SCN7A: variants seen among roughly 807,000 people sequenced by gnomAD.
SCN7A encodes sodium channel protein type 7 subunit alpha.
A neutral mutation model predicts 155.2 loss-of-function variants in SCN7A; 138 were observed. The ratio of observed to expected loss-of-function variants is 0.89; its 90% CI spans 0.77 to 1.02. The LOEUF (loss-of-function observed/expected upper bound fraction) is 1.02, where lower values mean the gene tolerates loss of function less well. Among genes scored for constraint, SCN7A ranks in the 50% least tolerant of loss-of-function variants. The probability of loss-of-function intolerance (pLI) is 0.00; values close to 1 mark genes in which losing one functional copy is unlikely to be tolerated. For synonymous variants in SCN7A, 693 were observed against 649.0 expected (o/e 1.07, Z -1.03); for missense variants, 2,058 against 1,986.6 (o/e 1.04, Z -0.68).
chr2:166,471,670 CATTTT>C (rs10566645), intron 6 of SCN7A, among the ~76,000 whole-genome samples: 10,666 of 146,780 alleles, frequency 0.073, 691 homozygotes, highest in East Asian at 0.16. Context: ...TAAATAGAAG[CATTTT>C]AAAAAGAGAC....
chr2:166,485,652 C>T (rs1461093055), intron 2 of SCN7A, among the ~76,000 whole-genome samples: 1 of 152,042 alleles, frequency 6.6e-6, no homozygotes, highest in Non-Finnish European at 1.5e-5. Context: ...GCTGGTTCTG[C>T]CTGAAATGTT....
At position 166,465,379 on chromosome 2, in the gene SCN7A, A is replaced by C. The variant is rs1702505860; in HGVS notation, c.941+83T>G. 2.1e-5 allele frequency: 20 copies of C among 939,820 alleles called. No homozygotes were observed. The South Asian group carries it at 2.7e-4, about 13-fold the overall frequency. 58.2% of individuals were successfully genotyped at this position (939,820 alleles called of 1,614,324 possible). A position where few individuals can be genotyped will look rare whatever the true frequency, so the allele number is the denominator to read the frequency against. On this transcript the variant is annotated intron_variant, in intron 9 of 25. Coordinates refer to ENST00000643258, the MANE Select transcript of SCN7A (RefSeq NM_002976.4). ...AATGAGATAATACAATCAAATGGGA[A>C]GCAACAGTAAAAGCAATAGTCCTTC...
At chr2:166,448,518 G>T (rs1255560372) in intron 11 of SCN7A, among the ~76,000 whole-genome samples, 3 of 152,062 alleles carry the variant, frequency 2.0e-5, no homozygotes, top group African/African-American at 7.2e-5. Flanking sequence ...TTAGTTTTTT[G>T]AGGAACCTCC....
chr2:166,451,208 A>G (rs1315563088), intron 11 of SCN7A, among the ~76,000 whole-genome samples: 1 of 152,172 alleles, frequency 6.6e-6, no homozygotes, highest in Non-Finnish European at 1.5e-5. Context: ...TCAGTGCTCA[A>G]TTCTCTACTA....
intron 21 of SCN7A, chr2:166,414,737 A>G (rs1383400744): frequency 1.4e-5 from 2 of 138,184 alleles, no homozygotes; most frequent in Non-Finnish European, 3.1e-5. Flanking sequence ...ATATATATAT[A>G]GACACACACA....
chr2:166,442,198 C>G (rs761168675), intron 14 of SCN7A, among the ~76,000 whole-genome samples: 8 of 152,154 alleles, frequency 5.3e-5, no homozygotes, highest in Non-Finnish European at 1.0e-4. Context: ...AATAACATGT[C>G]AAAGACCAAA....
At chr2:166,432,288 C>A in intron 16 of SCN7A, 30 bp downstream of exon 16, 1 of 1,536,388 alleles carries the variant, frequency 6.5e-7, no homozygotes, top group Non-Finnish European at 8.8e-7. Context: ...TAAATCACCA[C>A]TAAGCAATCA....
At chr2:166,484,814 A>T (rs1011160818) in intron 2 of SCN7A, among the ~76,000 whole-genome samples, 13 of 152,078 alleles carry the variant, frequency 8.5e-5, no homozygotes, top group Admixed American at 3.3e-4. Flanking sequence ...GAAATTTAAG[A>T]CTAGAATTCT....
At chr2:166,442,657 G>A (rs1701985549) in intron 14 of SCN7A, among the ~76,000 whole-genome samples, 1 of 151,766 alleles carries the variant, frequency 6.6e-6, no homozygotes, top group Non-Finnish European at 1.5e-5. Context: ...CTGTCTTTCT[G>A]AACTCAACAG....
Position 166,416,863 on chromosome 2 carries a change from T to A in SCN7A, c.3258A>T (p.Glu1086Asp), listed in dbSNP as rs764304362. 23 of 1,613,546 alleles carry A rather than the reference T, an allele frequency of 1.4e-5. No homozygotes were observed. The Middle Eastern group carries it at 8.2e-4, about 58-fold the overall frequency. The change falls in exon 21 of 26, where the codon GAA (glutamate) becomes GAT (aspartate). Residue 1086 changes from glutamate to aspartate, a missense_variant. Glu to Asp is a conservative substitution (Grantham distance 45). Transcript: ENST00000643258. ...TTTCTCCACTTGTTGGGTCAATGCATTCATAGAATCTGCCAGCAAATAAGT... is the reference window on the plus strand; with the variant it reads ...TTTCTCCACTTGTTGGGTCAATGCAATCATAGAATCTGCCAGCAAATAAGT... ...GVDLFAGRFY[E>D]CIDPTSGERF...
chr2:166,420,279 T>C (rs1249391239), intron 20 of SCN7A, among the ~76,000 whole-genome samples: 1 of 152,074 alleles, frequency 6.6e-6, no homozygotes, highest in African/African-American at 2.4e-5. Context: ...CAATAAACTA[T>C]AGGGATAAAG....
At position 166,405,346 on chromosome 2, in the gene SCN7A, G is replaced by T; in HGVS notation, c.*234C>A. The T allele has an allele frequency of 2.2e-6, 1 of 445,676 alleles. No individual in the cohort carries two copies. The highest frequency in any genetic ancestry group is 3.9e-6 in the Non-Finnish European group (1 of 255,010). The allele number at this position is 445,676 out of a possible 1,614,324, so 27.6% of individuals were successfully genotyped here. On this transcript the variant is annotated 3_prime_UTR_variant, in exon 26 of 26. Transcript: ENST00000643258. ...ATGTAGAGAAAACAAATATGAGATT[G>T]TCAAATGGCCACTTTAACCCACTTT...
rs1394251395 is a variant in SCN7A at position 166,477,470 on chromosome 2, T to C, written c.227A>G (p.Lys76Arg). 15 of 1,496,830 alleles carry C rather than the reference T, an allele frequency of 1.0e-5. No individual in the cohort carries two copies. Among genetic ancestry groups the C allele is most frequent in the Admixed American group, 2.5e-5 (1 of 40,304 alleles). 92.7% of individuals were successfully genotyped at this position (1,496,830 alleles called of 1,614,324 possible). ...LEDVDPYYYK[K>R]KNTFIVLNKN... ...ATCTCAATTAATACTCACATTTTTT[T>C]TCTTGTAGTAATATGGGTCCACATC... is the stretch of plus-strand genomic sequence containing the variant. The change falls in exon 3 of 26, where the codon AAA (lysine) becomes AGA (arginine). Residue 76 changes from lysine to arginine, a missense_variant. By Grantham distance (26) the Lys-to-Arg change is conservative. Coordinates refer to ENST00000643258, the MANE Select transcript of SCN7A (RefSeq NM_002976.4).
intron 3 of SCN7A, among the ~76,000 whole-genome samples, chr2:166,475,750 T>G (rs1399177333): frequency 6.6e-6 from 1 of 152,000 alleles, no homozygotes; most frequent in Non-Finnish European, 1.5e-5. Context: ...ACTGTTTTGT[T>G]AATTATAAAA....
chr2:166,404,971 G>T lies in SCN7A; in HGVS notation c.*609C>A, dbSNP rs954823683. The T allele has an allele frequency of 6.6e-6, 1 of 151,822 alleles. No homozygotes were observed. Among genetic ancestry groups the T allele is most frequent in the Non-Finnish European group, 1.5e-5 (1 of 67,912 alleles). 9.4% of individuals were successfully genotyped at this position (151,822 alleles called of 1,614,324 possible). A position where few individuals can be genotyped will look rare whatever the true frequency, so the allele number is the denominator to read the frequency against. On this transcript the variant is annotated 3_prime_UTR_variant, in exon 26 of 26. Coordinates refer to ENST00000643258, the MANE Select transcript of SCN7A (RefSeq NM_002976.4). ...CACAATGAAATCCTATTCATTCCCA[G>T]TTCCAAATGAAAACAAGAACATACA... is the stretch of plus-strand genomic sequence containing the variant.
chr2:166,480,246 TGGA>T (rs1303985840), intron 2 of SCN7A, among the ~76,000 whole-genome samples: 1 of 151,990 alleles, frequency 6.6e-6, no homozygotes, highest in Non-Finnish European at 1.5e-5. Context: ...TCACGAGGTC[TGGA>T]GATCTAGACC....
intron 11 of SCN7A, 72 bp from the exon 12 acceptor site, chr2:166,447,780 G>A: frequency 9.6e-7 from 1 of 1,042,518 alleles, no homozygotes; most frequent in East Asian, 2.4e-5. Flanking sequence ...AAGGTGCACA[G>A]CCTTGCTAAA....
intron 20 of SCN7A, among the ~76,000 whole-genome samples, chr2:166,420,203 C>T (rs1701481821): frequency 6.6e-6 from 1 of 151,644 alleles, no homozygotes; most frequent in Non-Finnish European, 1.5e-5. Flanking sequence ...CCACATTTCA[C>T]CAAGTGGAAG....
intron 25 of SCN7A, among the ~76,000 whole-genome samples, chr2:166,407,709 C>T (rs1247591028): frequency 6.6e-6 from 1 of 151,700 alleles, no homozygotes; most frequent in Non-Finnish European, 1.5e-5. Flanking sequence ...TTAACCCAGT[C>T]TCTTTTTTGG....
Sources: gnomAD v4.1 joint callset for allele counts (sites outside exome capture counted in the v4.1 genomes callset) on GRCh38, gnomAD v4.1.1 for gene constraint, MANE v1.5 for transcripts, NCBI Gene and HGNC (gene_info 2026-07-23, HGNC 2026-07-21) for gene names.